The following USH2A variants were observed in gnomAD, a reference collection of about 807,000 sequenced individuals.
The protein encoded by USH2A is Usher syndrome 2A (autosomal recessive, mild).
USH2A carries 443 observed loss-of-function variants against 538.9 expected under a neutral mutation model. The observed-to-expected ratio is 0.82, with a 90% CI of 0.76 to 0.89. The LOEUF (loss-of-function observed/expected upper bound fraction) is 0.89, where lower values mean the gene tolerates loss of function less well. Ranked by LOEUF, USH2A falls within the 40% of genes least tolerant of loss-of-function variation. The pLI is 0.00. For missense variants in USH2A, 6,633 were observed against 6,324.8 expected, an observed-to-expected ratio of 1.05 and a Z score of -1.65; for synonymous variants, 2,413 against 2,273.5, an observed-to-expected ratio of 1.06 and a Z score of -1.75.
At chr1:216,236,689 A>T (rs563198773) in intron 13 of USH2A, among the ~76,000 whole-genome samples, 2 of 152,256 alleles carry the variant, frequency 1.3e-5, no homozygotes, top group South Asian at 4.1e-4. Flanking sequence ...CCTATCAGGG[A>T]GTCTAGAGAG....
rs904521967 is a variant in USH2A at position 216,355,826 on chromosome 1, CA to C, written c.784+9126del. On this transcript the variant is annotated intron_variant, in intron 4 of 71. Transcript: ENST00000307340. ...CCCTAAGTAAATTTTGATTTTCAGCCAAAAAAAATTAAATATGGTCATGGCC... is the reference window on the plus strand; with the variant it reads ...CCCTAAGTAAATTTTGATTTTCAGCCAAAAAAATTAAATATGGTCATGGCC... Among the ~76,000 whole-genome samples the C allele has an allele frequency of 1.2e-4, 18 of 150,806 alleles. No individual in the cohort carries two copies. The East Asian group carries it at 2.3e-3, about 20-fold the overall frequency.
At chr1:216,283,738 T>C (rs1278757744) in intron 11 of USH2A, among the ~76,000 whole-genome samples, 1 of 152,212 alleles carries the variant, frequency 6.6e-6, no homozygotes, top group Non-Finnish European at 1.5e-5. Flanking sequence ...TAAAGACCAA[T>C]GGATACTTTG....
chr1:216,315,666 T>C (rs1253637756), intron 9 of USH2A, among the ~76,000 whole-genome samples: 1 of 152,158 alleles, frequency 6.6e-6, no homozygotes, highest in Non-Finnish European at 1.5e-5. Flanking sequence ...ATGGGACAAA[T>C]TGGTAGAGTA....
At chr1:216,311,504 A>G (rs2037419180) in intron 9 of USH2A, among the ~76,000 whole-genome samples, 1 of 152,182 alleles carries the variant, frequency 6.6e-6, no homozygotes, top group East Asian at 1.9e-4. Flanking sequence ...TTCATATTTG[A>G]GTTCTGGACT....
At position 215,752,974 on chromosome 1, in the gene USH2A, A is replaced by G. The variant is rs191385692; in HGVS notation, c.11389+5621T>C. Among the ~76,000 whole-genome samples, 32 of 152,298 alleles carry G rather than the reference A, an allele frequency of 2.1e-4. No homozygotes were observed. In the East Asian group the frequency reaches 6.0e-3, roughly 28 times the overall value. ...CAAACAAATTTACAAGAAAAAAACAAACAGCCCCATCAAAAAGTGGGAGAA... is the reference window on the plus strand; with the variant it reads ...CAAACAAATTTACAAGAAAAAAACAGACAGCCCCATCAAAAAGTGGGAGAA... On this transcript the variant is annotated intron_variant, in intron 58 of 71. Transcript: ENST00000307340.
intron 11 of USH2A, among the ~76,000 whole-genome samples, chr1:216,271,794 A>G (rs1446653215): frequency 6.6e-6 from 1 of 152,040 alleles, no homozygotes; most frequent in Non-Finnish European, 1.5e-5. Flanking sequence ...TTTGTATTCT[A>G]TTTATGTGGC....
At chr1:215,755,747 A>G (rs796537487) in intron 58 of USH2A, among the ~76,000 whole-genome samples, 2 of 152,194 alleles carry the variant, frequency 1.3e-5, no homozygotes, top group South Asian at 4.1e-4. Context: ...AATATCCCCT[A>G]GGCTGGACCA....
intron 3 of USH2A, among the ~76,000 whole-genome samples, chr1:216,404,040 A>C (rs533247296): frequency 2.4e-4 from 36 of 152,284 alleles, no homozygotes; most frequent in African/African-American, 8.4e-4. Flanking sequence ...CAAGTCAATT[A>C]AACCTCTTTT....
chr1:215,641,891 A>G (rs1450155549), intron 67 of USH2A, among the ~76,000 whole-genome samples: 2 of 152,218 alleles, frequency 1.3e-5, no homozygotes, highest in Admixed American at 6.5e-5. Context: ...TGCAAACACC[A>G]AAACAAGAGT....
chr1:216,377,893 AAGAAAGAAAG>A (rs200075647), intron 3 of USH2A, among the ~76,000 whole-genome samples: 1,923 of 150,482 alleles, frequency 0.013, 49 homozygotes, highest in African/African-American at 0.039. Context: ...GGAAGGAAGG[AAGAAAGAAAG>A]AGAAAGAAAG....
intron 47 of USH2A, among the ~76,000 whole-genome samples, chr1:215,828,737 G>A (rs1663230146): frequency 6.6e-6 from 1 of 152,124 alleles, no homozygotes; most frequent in Admixed American, 6.6e-5. Context: ...CATGATCTGA[G>A]TTCTTTCTCT....
At chr1:216,090,823 A>G (rs2032283066) in intron 22 of USH2A, among the ~76,000 whole-genome samples, 1 of 152,152 alleles carries the variant, frequency 6.6e-6, no homozygotes, top group Non-Finnish European at 1.5e-5. Flanking sequence ...AAACTGGCTT[A>G]CTTCTTAGCA....
In USH2A at chr1:215,845,892, A is replaced by G; in HGVS notation, c.8987T>C (p.Phe2996Ser). Residue 2996 changes from phenylalanine (F) to serine (S), a missense_variant, in exon 45 of 72, where the codon TTT becomes TCT. Physicochemically the swap from Phe to Ser is radical, Grantham distance 155 (BLOSUM62 -2). Coordinates refer to ENST00000307340, the MANE Select transcript of USH2A (RefSeq NM_206933.4). ...GTGGACTCCATTGAAGACAGAGATA[A>G]AGATCCAATACTCTGTGTTTGGCTT... ...HLKPNTEYWI[F>S]ISVFNGVHSI... 6.2e-7 allele frequency: 1 copy of G among 1,613,896 alleles called. No individual in the cohort carries two copies. Among genetic ancestry groups the G allele is most frequent in the South Asian group, 1.1e-5 (1 of 91,090 alleles).
At chr1:216,404,857 C>T (rs1423247906) in intron 3 of USH2A, among the ~76,000 whole-genome samples, 1 of 151,998 alleles carries the variant, frequency 6.6e-6, no homozygotes, top group Non-Finnish European at 1.5e-5. Flanking sequence ...CTCCAGAGCT[C>T]AACTGATTCT....
At chr1:216,211,989 A>T (rs1040156839) in intron 15 of USH2A, among the ~76,000 whole-genome samples, 2 of 152,214 alleles carry the variant, frequency 1.3e-5, no homozygotes, top group African/African-American at 4.8e-5. Flanking sequence ...GATTTCATCT[A>T]AAACTCTGCA....
chr1:216,382,139 G>C (rs1571762910), intron 3 of USH2A, among the ~76,000 whole-genome samples: 1 of 152,086 alleles, frequency 6.6e-6, no homozygotes, highest in Admixed American at 6.5e-5. Flanking sequence ...GCCCTGAAGG[G>C]AACAACACTA....
chr1:216,042,570 A>G lies in USH2A; in HGVS notation c.6325+3861T>C, dbSNP rs186156035. 2.4e-4 allele frequency among the ~76,000 whole-genome samples: 36 copies of G among 152,126 alleles called. No individual in the cohort carries two copies. In the East Asian group the frequency reaches 5.4e-3, roughly 23 times the overall value. ...ATGTCACAAATACCCTGACACAAAG[A>G]CAAGCAGTAAGTACCAATAGCATTG... On this transcript the variant is annotated intron_variant, in intron 32 of 71. Transcript: ENST00000307340.
chr1:216,233,450 C>A (rs1239890674), intron 13 of USH2A, among the ~76,000 whole-genome samples: 5 of 152,150 alleles, frequency 3.3e-5, no homozygotes, highest in African/African-American at 1.2e-4. Context: ...TAATCAATCT[C>A]ATTTCCACCA....
intron 67 of USH2A, among the ~76,000 whole-genome samples, chr1:215,645,174 G>C (rs1656807225): frequency 6.6e-6 from 1 of 152,154 alleles, no homozygotes; most frequent in African/African-American, 2.4e-5. Context: ...GGAGAAATGG[G>C]TGAGCTGGGT....
Sources: gnomAD v4.1 joint callset for allele counts (sites outside exome capture counted in the v4.1 genomes callset) on GRCh38, gnomAD v4.1.1 for gene constraint, MANE v1.5 for transcripts, NCBI Gene and HGNC (gene_info 2026-07-23, HGNC 2026-07-21) for gene names.